Variants in USP34 observed in about 807,000 individuals in gnomAD.
USP34 encodes ubiquitin carboxyl-terminal hydrolase 34.
USP34 carries 70 observed loss-of-function variants against 460.3 expected under a neutral mutation model. The observed-to-expected ratio is 0.15, with a 90% CI of 0.13 to 0.19. The LOEUF (loss-of-function observed/expected upper bound fraction) is 0.19. Among genes scored for constraint, USP34 ranks in the 10% least tolerant of loss-of-function variants. USP34 has a pLI of 1.00. For missense variants in USP34, 3,985 were observed against 4,236.2 expected, an observed-to-expected ratio of 0.94 and a Z score of 1.65; for synonymous variants, 1,647 against 1,405.3, an observed-to-expected ratio of 1.17 and a Z score of -3.85.
At chr2:61,276,732 T>C (rs1455533074) in intron 41 of USP34, among the ~76,000 whole-genome samples, 1 of 152,150 alleles carries the variant, frequency 6.6e-6, no homozygotes, top group African/African-American at 2.4e-5. Flanking sequence ...TATCAAATCA[T>C]TTCCAGTGAG....
Position 61,311,462 on chromosome 2 carries a change from A to C in USP34, c.3817+78T>G. ...AGAAAAGGAGAATAAAAGAAAAGGAAAGGAGAAAAGAGAAAGAGAAAGAGA... is the reference window on the plus strand; with the variant it reads ...AGAAAAGGAGAATAAAAGAAAAGGACAGGAGAAAAGAGAAAGAGAAAGAGA... On this transcript the variant is annotated intron_variant, in intron 27 of 79. Coordinates refer to ENST00000398571, the MANE Select transcript of USP34 (RefSeq NM_014709.4). The C allele has an allele frequency of 3.4e-6, 5 of 1,454,156 alleles. No individual in the cohort carries two copies. The South Asian group carries it at 7.3e-5, about 21-fold the overall frequency. 90.1% of individuals were successfully genotyped at this position (1,454,156 alleles called of 1,614,324 possible).
chr2:61,248,604 C>G lies in USP34; in HGVS notation c.6301G>C (p.Glu2101Gln). ...AAGGAAAAGTGTGTATTCACTTTCT[C>G]TTTCATCATCGTGACCATATTAAAT... is the stretch of plus-strand genomic sequence containing the variant. ...YTFNMVTMMK[E>Q]KVNTHFSFPL... is the part of the protein sequence containing the mutation. Residue 2101 changes from glutamate to glutamine, a missense_variant, in exon 49 of 80, where the codon GAG becomes CAG. Physicochemically the swap from Glu to Gln is conservative, Grantham distance 29. This residue lies in a region of USP34 where 145 missense variants were observed against 291.6 expected (regional missense o/e 0.50). Transcript: ENST00000398571. 1 of 1,609,258 alleles carries G rather than the reference C, an allele frequency of 6.2e-7. No homozygotes were observed. The highest frequency in any genetic ancestry group is 8.5e-7 in the Non-Finnish European group (1 of 1,176,844).
At chr2:61,385,682 A>C (rs1693118915) in intron 5 of USP34, among the ~76,000 whole-genome samples, 1 of 146,762 alleles carries the variant, frequency 6.8e-6, no homozygotes, top group Non-Finnish European at 1.5e-5. Context: ...AAAAAAAAAA[A>C]AAAAAAAAAA....
chr2:61,411,947 T>A (rs1281338854), intron 2 of USP34, among the ~76,000 whole-genome samples: 1 of 151,926 alleles, frequency 6.6e-6, no homozygotes, highest in Non-Finnish European at 1.5e-5. Flanking sequence ...CCCAGCACTT[T>A]GGGAGGCTGA....
intron 1 of USP34, among the ~76,000 whole-genome samples, chr2:61,423,004 G>C (rs973051670): frequency 2.6e-5 from 4 of 152,132 alleles, no homozygotes; most frequent in African/African-American, 7.2e-5. Flanking sequence ...ATTCCAACCT[G>C]GGTAACAGAG....
In USP34 at chr2:61,463,139, A is replaced by G. The variant is rs572003648; in HGVS notation, c.43+7511T>C. On this transcript the variant is annotated intron_variant, in intron 1 of 79. Coordinates refer to ENST00000398571, the MANE Select transcript of USP34 (RefSeq NM_014709.4). ...ATAGTATCTAAAAAGCTCTGGAAAC[A>G]TGTAGTTTTATTAAACGGTTCACTG... is the stretch of plus-strand genomic sequence containing the variant. Among the ~76,000 whole-genome samples the G allele has an allele frequency of 1.1e-3, 165 of 152,284 alleles. 1 individual carries two copies. The highest frequency in any genetic ancestry group is 3.8e-3 in the African/African-American group (156 of 41,574).
chr2:61,430,585 A>G (rs1008180001), intron 1 of USP34, among the ~76,000 whole-genome samples: 17 of 152,220 alleles, frequency 1.1e-4, no homozygotes, highest in African/African-American at 4.1e-4. Context: ...ATGAATAAAC[A>G]CATACCCTTA....
In USP34 at chr2:61,214,219, C is replaced by T; in HGVS notation, c.8523G>A (p.Gln2841=). Residue 2841 remains glutamine, a synonymous_variant, in exon 68 of 80, where the codon CAG becomes CAA. Coordinates refer to ENST00000398571, the MANE Select transcript of USP34 (RefSeq NM_014709.4). ...FNYILADHDD[Q]DVVLFNRGML... is the part of the protein sequence containing the mutation. The stretch of plus-strand genomic sequence containing the variant: ...TCCCACGGTTAAAAAGCACCACATC[C>T]TGATCATCATGGTCAGCAAGGATGT... The T allele has an allele frequency of 6.2e-7, 1 of 1,614,236 alleles. No homozygotes were observed.
At chr2:61,357,802 C>T (rs1021770223) in intron 10 of USP34, among the ~76,000 whole-genome samples, 1 of 152,110 alleles carries the variant, frequency 6.6e-6, no homozygotes, top group Non-Finnish European at 1.5e-5. Context: ...ACTTGAGAGG[C>T]TAAGGCAGAA....
intron 1 of USP34, among the ~76,000 whole-genome samples, chr2:61,430,323 G>C (rs1447575521): frequency 1.3e-5 from 2 of 152,102 alleles, no homozygotes; most frequent in Non-Finnish European, 2.9e-5. Context: ...AGAATCACTT[G>C]AACCCAGGAG....
intron 1 of USP34, among the ~76,000 whole-genome samples, chr2:61,463,309 T>G (rs1695661801): frequency 6.6e-6 from 1 of 152,040 alleles, no homozygotes; most frequent in Middle Eastern, 3.4e-3. Context: ...GCATGGGTGA[T>G]ACACTGTCTC....
chr2:61,348,637 A>C, intron 14 of USP34, 119 bp downstream of exon 14: 2 of 1,446,574 alleles, frequency 1.4e-6, no homozygotes, highest in East Asian at 2.5e-5. Flanking sequence ...GATGTCAAAA[A>C]TATTACGTAA....
intron 5 of USP34, among the ~76,000 whole-genome samples, chr2:61,387,862 T>C (rs1242272860): frequency 6.7e-6 from 1 of 149,690 alleles, no homozygotes; most frequent in South Asian, 2.1e-4. Flanking sequence ...TAAAAATATA[T>C]ATTTTTACGT....
intron 51 of USP34, among the ~76,000 whole-genome samples, chr2:61,242,075 T>A (rs537105063): frequency 2.0e-4 from 31 of 152,278 alleles, no homozygotes; most frequent in Non-Finnish European, 3.1e-4. Flanking sequence ...GAGAAAATTT[T>A]ACTATAACAA....
intron 67 of USP34, among the ~76,000 whole-genome samples, chr2:61,215,689 T>C (rs1487253258): frequency 6.6e-6 from 1 of 152,182 alleles, no homozygotes; most frequent in East Asian, 1.9e-4. Context: ...GGAGGCTAGA[T>C]TTTGCCTTGA....
chr2:61,192,001 GAT>G (rs1686659780), intron 76 of USP34, among the ~76,000 whole-genome samples: 1 of 152,198 alleles, frequency 6.6e-6, no homozygotes, highest in Non-Finnish European at 1.5e-5. Context: ...AGATGACTCT[GAT>G]AAGGTCTCTA....
chr2:61,344,228 C>T (rs1204352222), intron 15 of USP34, among the ~76,000 whole-genome samples, 199 bp from the exon 16 acceptor site: 1 of 152,066 alleles, frequency 6.6e-6, no homozygotes, highest in African/African-American at 2.4e-5. Context: ...TTACAATATA[C>T]AGTCATATTA....
chr2:61,215,436 T>A (rs909103871), intron 67 of USP34, among the ~76,000 whole-genome samples: 1 of 152,250 alleles, frequency 6.6e-6, no homozygotes, highest in Non-Finnish European at 1.5e-5. Context: ...CTTTTAAGGC[T>A]AAACTTACAC....
intron 32 of USP34, 39 bp from the exon 33 acceptor site, chr2:61,293,589 G>T: frequency 6.7e-7 from 1 of 1,487,884 alleles, no homozygotes; most frequent in Non-Finnish European, 9.3e-7. Flanking sequence ...GAGAAAAGCA[G>T]ATATATAATG....
Sources: allele counts gnomAD v4.1 joint callset (sites outside exome capture counted in the v4.1 genomes callset), GRCh38; gene constraint gnomAD v4.1.1; regional missense constraint gnomAD v4.1.1; transcripts MANE v1.5; gene names NCBI Gene and HGNC (gene_info 2026-07-23, HGNC 2026-07-21).